Variants in ANO4 observed in about 807,000 individuals in gnomAD.
ANO4 encodes the protein anoctamin 4.
Under a neutral mutation model 141.9 loss-of-function variants are expected in ANO4, and 69 were observed. The observed-to-expected ratio is 0.49, with a 90% CI of 0.40 to 0.59. The LOEUF (loss-of-function observed/expected upper bound fraction) is 0.59, where lower values mean the gene tolerates loss of function less well. ANO4 is among the 20% of genes least tolerant of loss of function. ANO4 has a pLI of 0.00. For synonymous variants in ANO4, 350 were observed against 394.3 expected, an observed-to-expected ratio of 0.89 and a Z score of 1.33; for missense variants, 894 against 1,162.2, an observed-to-expected ratio of 0.77 and a Z score of 3.36.
intron 1 of ANO4, among the ~76,000 whole-genome samples, chr12:100,867,026 G>A (rs1011387402): frequency 2.6e-5 from 4 of 152,156 alleles, no homozygotes; most frequent in Admixed American, 2.0e-4. Flanking sequence ...ACTGTTATCC[G>A]CAGTAAGCAA....
At chr12:100,926,404 A>G (rs1010822732) in intron 3 of ANO4, among the ~76,000 whole-genome samples, 1 of 152,142 alleles carries the variant, frequency 6.6e-6, no homozygotes, top group Non-Finnish European at 1.5e-5. Flanking sequence ...TTAACCATCC[A>G]TCCATCTTGC....
At chr12:101,044,419 C>T (rs1466971118) in intron 13 of ANO4, among the ~76,000 whole-genome samples, 1 of 152,150 alleles carries the variant, frequency 6.6e-6, no homozygotes, top group African/African-American at 2.4e-5. Context: ...CCTCACATTC[C>T]TAGAGTTTTT....
At chr12:100,930,369 G>T (rs2042040341) in intron 3 of ANO4, among the ~76,000 whole-genome samples, 1 of 152,162 alleles carries the variant, frequency 6.6e-6, no homozygotes, top group African/African-American at 2.4e-5. Flanking sequence ...TATGGTGAGA[G>T]ATAGGGGTCT....
intron 3 of ANO4, among the ~76,000 whole-genome samples, chr12:100,781,315 C>T (rs2033704445): frequency 6.6e-6 from 1 of 152,150 alleles, no homozygotes. Context: ...GCAGTGGGAG[C>T]ATTTCCACTA....
intron 3 of ANO4, among the ~76,000 whole-genome samples, chr12:100,765,690 C>CAAA (rs749550498): frequency 2.5e-5 from 3 of 119,898 alleles, no homozygotes; most frequent in African/African-American, 8.6e-5. Flanking sequence ...TTTATGTTTT[C>CAAA]AAAAAAAAAA....
chr12:100,819,049 G>GTATA (rs200287125), intron 1 of ANO4, among the ~76,000 whole-genome samples: 6 of 148,374 alleles, frequency 4.0e-5, no homozygotes, highest in African/African-American at 1.5e-4. Flanking sequence ...ATATATATGT[G>GTATA]TATATATATA....
At chr12:101,004,254 A>T (rs1040638704) in intron 8 of ANO4, among the ~76,000 whole-genome samples, 2 of 152,010 alleles carry the variant, frequency 1.3e-5, no homozygotes, top group Admixed American at 1.3e-4. Context: ...GGGGAGCAAA[A>T]TGAAGAGGTT....
At chr12:100,968,341 T>G (rs939317736) in intron 5 of ANO4, among the ~76,000 whole-genome samples, 3 of 152,214 alleles carry the variant, frequency 2.0e-5, no homozygotes, top group Non-Finnish European at 4.4e-5. Context: ...AGTCTTCAAA[T>G]GATTATTTTC....
chr12:101,024,254 A>G (rs1356533493), intron 9 of ANO4, among the ~76,000 whole-genome samples: 1 of 152,212 alleles, frequency 6.6e-6, no homozygotes, highest in East Asian at 1.9e-4. Flanking sequence ...AATATTGGCT[A>G]CTTTCTCACT....
intron 2 of ANO4, among the ~76,000 whole-genome samples, chr12:100,913,140 A>G (rs1448292571): frequency 1.3e-5 from 2 of 152,028 alleles, no homozygotes; most frequent in Non-Finnish European, 2.9e-5. Flanking sequence ...TTTGCTTTTC[A>G]TTTTACTGAG....
intron 1 of ANO4, among the ~76,000 whole-genome samples, chr12:100,881,343 C>A (rs1163371612): frequency 6.6e-6 from 1 of 150,860 alleles, no homozygotes; most frequent in Non-Finnish European, 1.5e-5. Context: ...AAGAAAAAAA[C>A]CCATTCCTTT....
chr12:101,066,817 T>G, intron 14 of ANO4: 1 of 1,403,862 alleles, frequency 7.1e-7, no homozygotes, highest in Middle Eastern at 2.5e-4. Context: ...TGAATGTTGA[T>G]CCCTCACTTC....
intron 8 of ANO4, among the ~76,000 whole-genome samples, chr12:101,009,575 G>A (rs1273726017): frequency 6.6e-6 from 1 of 152,028 alleles, no homozygotes; most frequent in Non-Finnish European, 1.5e-5. Flanking sequence ...TTCCTGCTGA[G>A]AACTTCAAAA....
chr12:101,085,075 G>A (rs1051630729), intron 16 of ANO4, among the ~76,000 whole-genome samples: 7 of 152,186 alleles, frequency 4.6e-5, no homozygotes, highest in Admixed American at 2.0e-4. Flanking sequence ...GCTAGGACTT[G>A]TACTTGAGCT....
At chr12:100,785,824 A>G (rs796505155) in intron 3 of ANO4, among the ~76,000 whole-genome samples, 28 of 152,320 alleles carry the variant, frequency 1.8e-4, no homozygotes, top group African/African-American at 6.7e-4. Flanking sequence ...AACTGCTAGT[A>G]TCTTCCAAAG....
chr12:101,120,283 A>C (rs930563359), intron 25 of ANO4, among the ~76,000 whole-genome samples: 1 of 152,124 alleles, frequency 6.6e-6, no homozygotes, highest in African/African-American at 2.4e-5. Context: ...TCATCTTTTG[A>C]GCTGAGATCA....
chr12:101,108,150 C>T (rs2050521352), intron 22 of ANO4, among the ~76,000 whole-genome samples: 1 of 152,048 alleles, frequency 6.6e-6, no homozygotes, highest in African/African-American at 2.4e-5. Context: ...ATTGAGAACC[C>T]TTATCAGAGA....
At chr12:100,905,369 G>A (rs941094071) in intron 2 of ANO4, among the ~76,000 whole-genome samples, 5 of 152,094 alleles carry the variant, frequency 3.3e-5, no homozygotes, top group South Asian at 2.1e-4. Flanking sequence ...CATGAACCAC[G>A]AGCAAGAAGG....
intron 2 of ANO4, among the ~76,000 whole-genome samples, chr12:100,914,993 A>T (rs1004510449): frequency 6.6e-6 from 1 of 150,722 alleles, no homozygotes; most frequent in African/African-American, 2.4e-5. Flanking sequence ...TTTATTTTAT[A>T]TTTTTTTTTA....
Sources: allele counts gnomAD v4.1 joint callset (sites outside exome capture counted in the v4.1 genomes callset), GRCh38; gene constraint gnomAD v4.1.1; transcripts MANE v1.5; gene names NCBI Gene and HGNC (gene_info 2026-07-23, HGNC 2026-07-21).